PLEKHA2: variants seen among roughly 807,000 people sequenced by gnomAD.
PLEKHA2 encodes pleckstrin homology domain containing A2.
A neutral mutation model predicts 53.2 loss-of-function variants in PLEKHA2; 28 were observed. The observed-to-expected ratio is 0.53, with a 90% confidence interval of 0.39 to 0.72. PLEKHA2 has a LOEUF of 0.72. Ranked by LOEUF, PLEKHA2 falls within the 30% of genes least tolerant of loss-of-function variation. The pLI, the probability that PLEKHA2 is intolerant of heterozygous loss-of-function variation, is 0.00. For synonymous variants in PLEKHA2, 193 were observed against 196.4 expected (o/e 0.98, Z 0.14); for missense variants, 426 against 537.9 (o/e 0.79, Z 2.06).
chr8:38,917,819 C>T, intron 1 of PLEKHA2, 88 bp from the exon 2 acceptor site: 1 of 1,451,368 alleles, frequency 6.9e-7, no homozygotes, highest in South Asian at 1.4e-5. Context: ...GTGAGAGTCT[C>T]AGCCCAGCTT....
rs1834208685 is a variant in PLEKHA2, at chr8:38,922,294, A to C, written c.141+4224A>C. ...AGAAGGTAGGGCACTCGTGTGGCTTAGTTTTTTATCATAGTGTTTCCAGCA... is the reference window on the plus strand; with the variant it reads ...AGAAGGTAGGGCACTCGTGTGGCTTCGTTTTTTATCATAGTGTTTCCAGCA... On this transcript the variant is annotated intron_variant, in intron 2 of 11. Coordinates refer to ENST00000617275, the MANE Select transcript of PLEKHA2 (RefSeq NM_021623.2). The surrounding 1 kb of genome is among the most constrained non-coding windows in gnomAD (Gnocchi z 4.0). 6.6e-6 allele frequency among the ~76,000 whole-genome samples: 1 copy of C among 152,178 alleles called. No individual in the cohort carries two copies. The highest frequency in any genetic ancestry group is 2.4e-5 in the African/African-American group (1 of 41,448).
intron 6 of PLEKHA2, 61 bp downstream of exon 6, chr8:38,951,051 C>T (rs1014473536): frequency 3.0e-6 from 4 of 1,338,996 alleles, no homozygotes; most frequent in Non-Finnish European, 4.1e-6. Context: ...ATGGTGTGCC[C>T]ATGATGTGCT....
intron 2 of PLEKHA2, among the ~76,000 whole-genome samples, chr8:38,924,943 G>C (rs927805332): frequency 6.6e-6 from 1 of 152,190 alleles, no homozygotes; most frequent in Non-Finnish European, 1.5e-5. Context: ...GAAAGTCTCA[G>C]TATTATTGAT....
chr8:38,908,145 G>A (rs929994126), intron 1 of PLEKHA2, among the ~76,000 whole-genome samples: 4 of 152,172 alleles, frequency 2.6e-5, no homozygotes, highest in African/African-American at 9.7e-5. Context: ...TGTGTTGTAG[G>A]AATAGAGGAA....
intron 1 of PLEKHA2, 110 bp from the exon 2 acceptor site, chr8:38,917,797 G>A: frequency 1.6e-6 from 2 of 1,271,214 alleles, no homozygotes; most frequent in Middle Eastern, 2.5e-4. Flanking sequence ...GTGCCCCCAC[G>A]GAAGGAAGCT....
At chr8:38,932,154 C>T (rs1470056059) in intron 2 of PLEKHA2, among the ~76,000 whole-genome samples, 1 of 152,036 alleles carries the variant, frequency 6.6e-6, no homozygotes, top group African/African-American at 2.4e-5. Context: ...CTACACCCAG[C>T]TAATTTCTTT....
chr8:38,915,960 AC>A (rs1254379547), intron 1 of PLEKHA2, among the ~76,000 whole-genome samples: 1 of 152,168 alleles, frequency 6.6e-6, no homozygotes, highest in Non-Finnish European at 1.5e-5. Flanking sequence ...CCTTTGCGTT[AC>A]AGACTGTTCA....
intron 2 of PLEKHA2, 66 bp from the exon 3 acceptor site, chr8:38,935,928 C>A (rs370220209): frequency 2.0e-6 from 3 of 1,486,786 alleles, no homozygotes; most frequent in African/African-American, 1.4e-5. Context: ...GAGCTAGAAT[C>A]TTGGTCTTCT....
At chr8:38,946,281 C>A in intron 5 of PLEKHA2, 60 bp downstream of exon 5, 1 of 1,435,404 alleles carries the variant, frequency 7.0e-7, no homozygotes, top group Non-Finnish European at 9.6e-7. Flanking sequence ...CAGGCTATGG[C>A]CTTGTTGGGG....
intron 9 of PLEKHA2, 49 bp from the exon 10 acceptor site, chr8:38,957,274 C>T (rs978067936): frequency 9.4e-6 from 14 of 1,487,104 alleles, no homozygotes; most frequent in Non-Finnish European, 1.3e-5. Flanking sequence ...ATCGAGTCCT[C>T]TCTGAGTATG....
rs1257157929 is a variant in PLEKHA2 at position 38,936,055 on chromosome 8, T to C, written c.198+5T>C. The stretch of plus-strand genomic sequence containing the variant: ...CAGCTGACCTACATCTCGAAGGTAA[T>C]GTTGACCTGGAACTCTGGGAATTCA... On this transcript the variant is annotated splice_donor_5th_base_variant and intron_variant, in intron 3 of 11. Transcript: ENST00000617275. 2 of 1,612,898 alleles carry C rather than the reference T, an allele frequency of 1.2e-6. No individual in the cohort carries two copies. Among genetic ancestry groups the C allele is most frequent in the Non-Finnish European group, 1.7e-6 (2 of 1,179,126 alleles).
chr8:38,946,145 G>T lies in PLEKHA2; in HGVS notation c.269G>T (p.Arg90Ile). The T allele has an allele frequency of 6.2e-7, 1 of 1,607,660 alleles. No homozygotes were observed. Among genetic ancestry groups the T allele is most frequent in the Non-Finnish European group, 8.5e-7 (1 of 1,176,946 alleles). ...FCFVINALSQ[R>I]YFLQANDQKD... ...GTAGTTATCAATGCCCTGTCTCAGA[G>T]ATATTTCCTTCAAGCCAATGATCAG... The change falls in exon 5 of 12, where the codon AGA (arginine) becomes ATA (isoleucine). Residue 90 changes from arginine to isoleucine, a missense_variant. By Grantham distance (97) the Arg-to-Ile change is moderately conservative (BLOSUM62 -3). Coordinates refer to ENST00000617275, the MANE Select transcript of PLEKHA2 (RefSeq NM_021623.2).
At chr8:38,914,846 G>C (rs1215213576) in intron 1 of PLEKHA2, among the ~76,000 whole-genome samples, 1 of 152,180 alleles carries the variant, frequency 6.6e-6, no homozygotes, top group Non-Finnish European at 1.5e-5. Context: ...TTGAAGGTGT[G>C]GCTCATCCCA....
intron 2 of PLEKHA2, among the ~76,000 whole-genome samples, chr8:38,927,960 G>A (rs1834317735): frequency 6.6e-6 from 1 of 152,124 alleles, no homozygotes; most frequent in Admixed American, 6.6e-5. Flanking sequence ...GGGGGGGCAG[G>A]TTTAGAGGCT....
intron 2 of PLEKHA2, among the ~76,000 whole-genome samples, chr8:38,924,613 A>G (rs889211673): frequency 2.6e-5 from 4 of 152,218 alleles, no homozygotes; most frequent in African/African-American, 9.7e-5. Context: ...AGCTCTGCAC[A>G]TGTGGGCAGA....
At chr8:38,929,409 C>T (rs1387229150) in intron 2 of PLEKHA2, among the ~76,000 whole-genome samples, 2 of 152,214 alleles carry the variant, frequency 1.3e-5, no homozygotes, top group East Asian at 1.9e-4. Context: ...CCCTGCTGGT[C>T]CTGCTTTTGT....
At chr8:38,953,447 T>C in intron 9 of PLEKHA2, 80 bp downstream of exon 9, 1 of 1,328,336 alleles carries the variant, frequency 7.5e-7, no homozygotes, top group East Asian at 2.3e-5. Context: ...CTTCAGAGAC[T>C]CTATGCAAGA....
At chr8:38,967,020 C>T (rs1835151152) in intron 10 of PLEKHA2, among the ~76,000 whole-genome samples, 1 of 146,036 alleles carries the variant, frequency 6.8e-6, no homozygotes, top group Admixed American at 6.9e-5. Context: ...TTATTTAGCT[C>T]CCAGTTATAA....
At chr8:38,901,951 C>T (rs554550289) in intron 1 of PLEKHA2, 54 of 152,360 alleles carry the variant, frequency 3.5e-4, no homozygotes, top group African/African-American at 1.1e-3. Flanking sequence ...CCCCGACTAC[C>T]TTATTAAATG....
Sources: allele counts gnomAD v4.1 joint callset (sites outside exome capture counted in the v4.1 genomes callset), GRCh38; gene constraint gnomAD v4.1.1; non-coding constraint Gnocchi (gnomAD v3.1); transcripts MANE v1.5; gene names NCBI Gene and HGNC (gene_info 2026-07-23, HGNC 2026-07-21).